The following AMHR2 variants were observed in gnomAD, a reference collection of about 807,000 sequenced individuals.
AMHR2 encodes the protein anti-Mullerian hormone receptor type 2.
AMHR2 carries 36 observed loss-of-function variants against 61.4 expected under a neutral mutation model. The observed-to-expected ratio is 0.59, with a 90% CI of 0.45 to 0.77. The LOEUF (loss-of-function observed/expected upper bound fraction) is 0.77. Ranked by LOEUF, AMHR2 falls within the 30% of genes least tolerant of loss-of-function variation. The probability of loss-of-function intolerance (pLI) is 0.00; values close to 1 mark genes in which losing one functional copy is unlikely to be tolerated. For missense variants in AMHR2, 638 were observed against 714.6 expected (o/e 0.89, Z 1.22); for synonymous variants, 258 against 279.4 (o/e 0.92, Z 0.76).
intron 10 of AMHR2, chr12:53,430,876 C>A: frequency 2.1e-6 from 1 of 486,448 alleles, no homozygotes; most frequent in Non-Finnish European, 3.8e-6. Flanking sequence ...GCATTACTTG[C>A]AGAAGACTCT....
chr12:53,425,851 ACTGC>A lies in AMHR2; in HGVS notation c.786_789del (p.Ser264GlyfsTer27), dbSNP rs781413894. 2 of 1,614,010 alleles carry A rather than the reference ACTGC, an allele frequency of 1.2e-6. No individual in the cohort carries two copies. Among genetic ancestry groups the A allele is most frequent in the South Asian group, 2.2e-5 (2 of 91,078 alleles). On this transcript the variant is annotated frameshift_variant, in exon 6 of 11. Transcript: ENST00000257863. LOFTEE classifies it high-confidence loss of function. ...GCACGACCACATTGTCCGATTTATC[ACTGC>A]CAGCCGGGGGGGTCCTGGCCGCCTG...
chr12:53,424,190 G>A, intron 1 of AMHR2, 98 bp from the exon 2 acceptor site: 1 of 1,509,284 alleles, frequency 6.6e-7, no homozygotes, highest in South Asian at 1.1e-5. Context: ...TACTGACGCT[G>A]GGATGTGGAA....
Position 53,431,550 on chromosome 12 carries a change from A to G in AMHR2, c.*77A>G. 6.3e-7 allele frequency: 1 copy of G among 1,577,324 alleles called. No individual in the cohort carries two copies. Reference sequence around the variant, plus strand: ...GTATAGCTGTCTTGTCTGCCTCATCACTGCATTTCCCACCTGCCGAATCCT... The same window carrying G: ...GTATAGCTGTCTTGTCTGCCTCATCGCTGCATTTCCCACCTGCCGAATCCT... On this transcript the variant is annotated 3_prime_UTR_variant, in exon 11 of 11. Transcript: ENST00000257863.
intron 6 of AMHR2, among the ~76,000 whole-genome samples, chr12:53,427,921 A>C (rs923953214): frequency 2.6e-5 from 4 of 152,096 alleles, no homozygotes; most frequent in African/African-American, 7.2e-5. Flanking sequence ...CCCACAACTC[A>C]CTTTGCCCTA....
rs1156473814 is a variant in AMHR2 at position 53,431,576 on chromosome 12, T to G, written c.*103T>G. On this transcript the variant is annotated 3_prime_UTR_variant, in exon 11 of 11. Coordinates refer to ENST00000257863, the MANE Select transcript of AMHR2 (RefSeq NM_020547.3). ...CTGCATTTCCCACCTGCCGAATCCT[T>G]GGATTCTTCTGCGGGCATCCAGTCC... 2.7e-6 allele frequency: 4 copies of G among 1,460,404 alleles called. No individual in the cohort carries two copies. Among genetic ancestry groups the G allele is most frequent in the Non-Finnish European group, 3.8e-6 (4 of 1,053,800 alleles). The allele number at this position is 1,460,404 out of a possible 1,614,324, so 90.5% of individuals were successfully genotyped here. A position where few individuals can be genotyped will look rare whatever the true frequency, so the allele number is the denominator to read the frequency against.
At position 53,425,858 on chromosome 12, in the gene AMHR2, G is replaced by GC. The variant is rs1939530169; in HGVS notation, c.793dup (p.Arg265ProfsTer33). 6.2e-7 allele frequency: 1 copy of GC among 1,614,114 alleles called. No individual in the cohort carries two copies. The highest frequency in any genetic ancestry group is 8.5e-7 in the Non-Finnish European group (1 of 1,180,014). ...CACATTGTCCGATTTATCACTGCCA[G>GC]CCGGGGGGGTCCTGGCCGCCTGCTC... On this transcript the variant is annotated frameshift_variant, in exon 6 of 11. Coordinates refer to ENST00000257863, the MANE Select transcript of AMHR2 (RefSeq NM_020547.3). LOFTEE classifies it high-confidence loss of function.
chr12:53,429,872 G>A lies in AMHR2; in HGVS notation c.1182G>A (p.Lys394=). 1 of 1,614,200 alleles carries A rather than the reference G, an allele frequency of 6.2e-7. No individual in the cohort carries two copies. Among genetic ancestry groups the A allele is most frequent in the Non-Finnish European group, 8.5e-7 (1 of 1,180,038 alleles). ...ACATGGCACCAGAGCTCTTGGACAAGACTCTGGACCTACAGGATTGGGGCA... is the reference window on the plus strand; with the variant it reads ...ACATGGCACCAGAGCTCTTGGACAAAACTCTGGACCTACAGGATTGGGGCA... ...QRYMAPELLD[K]TLDLQDWGMA... is the part of the protein sequence containing the mutation. Residue 394 remains lysine, a synonymous_variant, in exon 9 of 11, where the codon AAG becomes AAA. Transcript: ENST00000257863.
chr12:53,424,990 C>G, intron 3 of AMHR2, 90 bp downstream of exon 3: 2 of 1,549,918 alleles, frequency 1.3e-6, no homozygotes, highest in Non-Finnish European at 1.8e-6. Context: ...ACCCTACTCC[C>G]GCCCCACGCT....
rs1939937711 is a variant in AMHR2, at chr12:53,429,643, C to T, written c.1140+18C>T. ...TCATGGAAGTGAGTTCTCTGGATAA[C>T]TGGTGAGGCCCAGGATGATGTTGGT... On this transcript the variant is annotated intron_variant, in intron 8 of 10. Coordinates refer to ENST00000257863, the MANE Select transcript of AMHR2 (RefSeq NM_020547.3). 2 of 1,613,008 alleles carry T rather than the reference C, an allele frequency of 1.2e-6. No homozygotes were observed. The highest frequency in any genetic ancestry group is 3.3e-5 in the Admixed American group (2 of 59,712).
intron 6 of AMHR2, 150 bp downstream of exon 6, chr12:53,426,069 A>G: frequency 2.2e-6 from 2 of 912,204 alleles, no homozygotes. Context: ...GGTGGCCCAC[A>G]CCTGTAATCC....
At chr12:53,430,011 G>A (rs1170689794) in intron 9 of AMHR2, 33 bp downstream of exon 9, 1 of 1,614,142 alleles carries the variant, frequency 6.2e-7, no homozygotes, top group East Asian at 2.2e-5. Flanking sequence ...CCTCTCCTGG[G>A]CTCCCCCCCG....
At position 53,425,791 on chromosome 12, in the gene AMHR2, G is replaced by A. The variant is rs1939524239; in HGVS notation, c.724G>A (p.Ala242Thr). The change falls in exon 6 of 11, where the codon GCT becomes ACT. Residue 242 changes from alanine (A) to threonine (T), a missense_variant. Physicochemically the swap from Ala to Thr is moderately conservative, Grantham distance 58. Transcript: ENST00000257863. ...FPPRSVAQFQ[A>T]ERALYELPGL... Reference sequence around the variant, plus strand: ...ACCGAGGTCTGTGGCTCAGTTCCAAGCTGAGAGAGCATTGTACGAACTTCC... The same window carrying A: ...ACCGAGGTCTGTGGCTCAGTTCCAAACTGAGAGAGCATTGTACGAACTTCC... 3.1e-6 allele frequency: 5 copies of A among 1,614,170 alleles called. No homozygotes were observed. Among genetic ancestry groups the A allele is most frequent in the Non-Finnish European group, 4.2e-6 (5 of 1,180,020 alleles).
chr12:53,430,446 A>C, intron 10 of AMHR2, 164 bp downstream of exon 10: 3 of 1,045,746 alleles, frequency 2.9e-6, no homozygotes, highest in Non-Finnish European at 4.3e-6. Flanking sequence ...TCTCCCCGTC[A>C]GTTCATCCTC....
intron 10 of AMHR2, 92 bp from the exon 11 acceptor site, chr12:53,431,085 G>GC (rs1351133681): frequency 7.2e-5 from 106 of 1,463,876 alleles, no homozygotes; most frequent in Non-Finnish European, 9.7e-5. Flanking sequence ...GATGTTGAAA[G>GC]CAGGAGAGTG....
In AMHR2 at chr12:53,425,796, GA is replaced by G; in HGVS notation, c.730del (p.Arg244GlufsTer48). ...GGTCTGTGGCTCAGTTCCAAGCTGA[GA>G]GAGCATTGTACGAACTTCCAGGCCT... ...PRSVAQFQAE[R>X]ALYELPGLQH... On this transcript the variant is annotated frameshift_variant, in exon 6 of 11. Coordinates refer to ENST00000257863, the MANE Select transcript of AMHR2 (RefSeq NM_020547.3). LOFTEE classifies it high-confidence loss of function. The G allele has an allele frequency of 6.2e-7, 1 of 1,614,160 alleles. No individual in the cohort carries two copies. Among genetic ancestry groups the G allele is most frequent in the Non-Finnish European group, 8.5e-7 (1 of 1,180,030 alleles).
In AMHR2 at chr12:53,425,235, C is replaced by T. The variant is rs975539723; in HGVS notation, c.495C>T (p.Ile165=). 3.1e-6 allele frequency: 5 copies of T among 1,613,556 alleles called. No individual in the cohort carries two copies. The highest frequency in any genetic ancestry group is 1.6e-4 in the Middle Eastern group (1 of 6,084). ...FLLLLLLLGS[I]ILALLQRKNY... is the part of the protein sequence containing the mutation. Reference sequence around the variant, plus strand: ...TCCTCCTGCTGCTGCTGGGCAGCATCATCTTGGGTACTAATCCACCCCATC... The same window carrying T: ...TCCTCCTGCTGCTGCTGGGCAGCATTATCTTGGGTACTAATCCACCCCATC... The change falls in exon 4 of 11, where the codon ATC becomes ATT. Residue 165 remains isoleucine, a synonymous_variant. Transcript: ENST00000257863.
chr12:53,428,606 G>T (rs1234250372), intron 6 of AMHR2, among the ~76,000 whole-genome samples: 2 of 152,082 alleles, frequency 1.3e-5, no homozygotes, highest in Non-Finnish European at 2.9e-5. Flanking sequence ...GTTAAATGGG[G>T]GTGTGACAGG....
At chr12:53,427,451 G>C (rs999174868) in intron 6 of AMHR2, among the ~76,000 whole-genome samples, 1 of 151,770 alleles carries the variant, frequency 6.6e-6, no homozygotes, top group Non-Finnish European at 1.5e-5. Context: ...TGTTGACTAG[G>C]CTAGAGTGCA....
At chr12:53,427,384 G>A (rs796668413) in intron 6 of AMHR2, among the ~76,000 whole-genome samples, 2 of 152,176 alleles carry the variant, frequency 1.3e-5, no homozygotes, top group African/African-American at 4.8e-5. Context: ...TAGGCATTAC[G>A]CTACCCGCTT....
Sources: allele counts gnomAD v4.1 joint callset (sites outside exome capture counted in the v4.1 genomes callset), GRCh38; gene constraint gnomAD v4.1.1; transcripts MANE v1.5; gene names NCBI Gene and HGNC (gene_info 2026-07-23, HGNC 2026-07-21).